ERICH3: variants seen among roughly 807,000 people sequenced by gnomAD.
ERICH3 encodes glutamate-rich protein 3.
Under a neutral mutation model 131.1 loss-of-function variants are expected in ERICH3, and 126 were observed. The ratio of observed to expected loss-of-function variants is 0.96; its 90% CI spans 0.83 to 1.11. ERICH3 has a LOEUF of 1.11. Among genes scored for constraint, ERICH3 ranks in the 50% most tolerant of loss-of-function variants. The pLI is 0.00. For synonymous variants in ERICH3, 695 were observed against 644.6 expected (o/e 1.08, Z -1.18); for missense variants, 2,050 against 1,810.7 (o/e 1.13, Z -2.40).
At chr1:74,664,000 A>G (rs555240836) in intron 1 of ERICH3, among the ~76,000 whole-genome samples, 3 of 152,172 alleles carry the variant, frequency 2.0e-5, no homozygotes, top group Admixed American at 1.3e-4. Context: ...TCTCCACCCT[A>G]TGGAGTTTGC....
chr1:74,653,368 T>G (rs1371747945), intron 1 of ERICH3, among the ~76,000 whole-genome samples: 1 of 151,788 alleles, frequency 6.6e-6, no homozygotes, highest in African/African-American at 2.4e-5. Flanking sequence ...ACACTGTGTG[T>G]GCACGTGTGT....
chr1:74,641,442 C>T lies in ERICH3; in HGVS notation c.333G>A (p.Arg111=), dbSNP rs149908894. The T allele has an allele frequency of 1.4e-4, 221 of 1,611,216 alleles. No individual in the cohort carries two copies. The African/African-American group carries it at 2.3e-3, about 17-fold the overall frequency. The change falls in exon 5 of 15, where the codon AGG becomes AGA. Residue 111 remains arginine (R), a synonymous_variant. Transcript: ENST00000326665. ...GGATTGGCATGTTATTTTCAACAGA[C>T]CTTCTTGTGTGCTCTCCCTAGAATA... is the stretch of plus-strand genomic sequence containing the variant. ...IQRFKGEHTR[R]SVENNMPILS... is the part of the protein sequence containing the mutation.
chr1:74,584,760 A>G (rs1311675289), intron 12 of ERICH3, among the ~76,000 whole-genome samples: 1 of 152,026 alleles, frequency 6.6e-6, no homozygotes, highest in Non-Finnish European at 1.5e-5. Context: ...GTGGAAAGGG[A>G]CTCTTATGTT....
In ERICH3 at chr1:74,571,477, A is replaced by G. The variant is rs1169670873; in HGVS notation, c.4233T>C (p.Ser1411=). The change falls in exon 14 of 15, where the codon AGT becomes AGC. Residue 1411 remains serine, a synonymous_variant. Coordinates refer to ENST00000326665, the MANE Select transcript of ERICH3 (RefSeq NM_001002912.5). The part of the protein sequence containing the change: ...GKVVVEELAR[S]GEEVPAAEEM... Reference sequence around the variant, plus strand: ...CCTCTGCTGCTGGCACTTCCTCCCCACTCCGTGCTAATTCCTCTACCACCA... The same window carrying G: ...CCTCTGCTGCTGGCACTTCCTCCCCGCTCCGTGCTAATTCCTCTACCACCA... The G allele has an allele frequency of 1.2e-6, 2 of 1,611,828 alleles. No individual in the cohort carries two copies. The highest frequency in any genetic ancestry group is 2.7e-5 in the African/African-American group (2 of 74,020).
At position 74,568,496 on chromosome 1, in the gene ERICH3, A is replaced by G. The variant is rs1646897441; in HGVS notation, c.*1962T>C. Reference sequence around the variant, plus strand: ...GAGCTCCACAGTAATACAGCTCAGTAATAAATGAACTTGAATATAATGTAG... The same window carrying G: ...GAGCTCCACAGTAATACAGCTCAGTGATAAATGAACTTGAATATAATGTAG... On this transcript the variant is annotated 3_prime_UTR_variant, in exon 15 of 15. Transcript: ENST00000326665. 1 of 152,310 alleles carries G rather than the reference A, an allele frequency of 6.6e-6. No individual in the cohort carries two copies. The highest frequency in any genetic ancestry group is 3.4e-3 in the Middle Eastern group (1 of 292). 9.4% of individuals were successfully genotyped at this position (152,310 alleles called of 1,614,324 possible).
chr1:74,637,220 TCTC>T (rs1010743953), intron 5 of ERICH3, among the ~76,000 whole-genome samples: 11 of 152,066 alleles, frequency 7.2e-5, no homozygotes, highest in African/African-American at 2.2e-4. Context: ...GGGTCTTTCT[TCTC>T]CTTGACTCAC....
intron 1 of ERICH3, among the ~76,000 whole-genome samples, chr1:74,669,230 G>A (rs1301533797): frequency 2.0e-5 from 3 of 152,078 alleles, no homozygotes; most frequent in Non-Finnish European, 2.9e-5. Context: ...ACATTAAAAA[G>A]GTATAAACTA....
chr1:74,625,165 T>G (rs1292537738), intron 7 of ERICH3: 1 of 152,078 alleles, frequency 6.6e-6, no homozygotes, highest in East Asian at 1.9e-4. Context: ...CAATCTATCT[T>G]TTTGATGGCA....
At chr1:74,636,220 A>T in intron 6 of ERICH3, 60 bp downstream of exon 6, 1 of 1,362,272 alleles carries the variant, frequency 7.3e-7, no homozygotes, top group Non-Finnish European at 9.9e-7. Flanking sequence ...GACCACTGTA[A>T]TAACCTATAA....
chr1:74,633,991 T>C (rs963650389), intron 6 of ERICH3, among the ~76,000 whole-genome samples: 3 of 152,064 alleles, frequency 2.0e-5, no homozygotes, highest in African/African-American at 7.2e-5. Flanking sequence ...AATTAAAGAC[T>C]CTCACTCCTG....
chr1:74,611,583 A>G (rs1648698007), intron 9 of ERICH3, among the ~76,000 whole-genome samples: 1 of 152,168 alleles, frequency 6.6e-6, no homozygotes, highest in Admixed American at 6.5e-5. Flanking sequence ...AGGACTCTAC[A>G]TGGCTTAGCC....
At chr1:74,577,850 A>T (rs184340055) in intron 12 of ERICH3, among the ~76,000 whole-genome samples, 6 of 152,350 alleles carry the variant, frequency 3.9e-5, no homozygotes, top group Admixed American at 3.3e-4. Flanking sequence ...TTATGACACC[A>T]ATCATCACTG....
chr1:74,660,994 AAAG>A (rs1646636941), intron 1 of ERICH3, among the ~76,000 whole-genome samples: 1 of 152,134 alleles, frequency 6.6e-6, no homozygotes, highest in Admixed American at 6.6e-5. Flanking sequence ...AGAAAGAAAA[AAAG>A]AAGAAGGAAA....
chr1:74,635,441 GAATT>G (rs1015512739), intron 6 of ERICH3, among the ~76,000 whole-genome samples: 13 of 152,042 alleles, frequency 8.6e-5, no homozygotes, highest in African/African-American at 3.1e-4. Context: ...TCACTTGTCT[GAATT>G]AATTTCTTAG....
chr1:74,634,505 C>T (rs887118281), intron 6 of ERICH3, among the ~76,000 whole-genome samples: 9 of 151,818 alleles, frequency 5.9e-5, no homozygotes, highest in African/African-American at 2.2e-4. Context: ...TCCAGTGGCT[C>T]AGAACAGATT....
At chr1:74,658,162 G>T (rs920947516) in intron 1 of ERICH3, among the ~76,000 whole-genome samples, 3 of 152,130 alleles carry the variant, frequency 2.0e-5, no homozygotes, top group African/African-American at 7.2e-5. Context: ...TTCAAACCAG[G>T]ATTGTTCTGC....
At position 74,629,103 on chromosome 1, in the gene ERICH3, G is replaced by T. The variant is rs187817455; in HGVS notation, c.819+2610C>A. On this transcript the variant is annotated intron_variant, in intron 7 of 14. Transcript: ENST00000326665. ...CAAAGCAAGTCTCCACAAATACGAC[G>T]GAGTTAAAATCATACAGATCAAGAA... Among the ~76,000 whole-genome samples the T allele has an allele frequency of 2.6e-5, 4 of 151,926 alleles. No individual in the cohort carries two copies. The East Asian group carries it at 7.7e-4, about 29-fold the overall frequency.
chr1:74,612,486 CA>C, intron 9 of ERICH3, 136 bp downstream of exon 9: 1 of 660,832 alleles, frequency 1.5e-6, no homozygotes, highest in East Asian at 3.0e-5. Context: ...TTACAATAAA[CA>C]ACCCTGAACC....
chr1:74,628,651 C>T (rs1049629876), intron 7 of ERICH3, among the ~76,000 whole-genome samples: 2 of 151,464 alleles, frequency 1.3e-5, no homozygotes, highest in Non-Finnish European at 2.9e-5. Flanking sequence ...GAAATGACAC[C>T]CCTTCCCCCC....
Sources: gnomAD v4.1 joint callset for allele counts (sites outside exome capture counted in the v4.1 genomes callset) on GRCh38, gnomAD v4.1.1 for gene constraint, MANE v1.5 for transcripts, NCBI Gene and HGNC (gene_info 2026-07-23, HGNC 2026-07-21) for gene names.